DUOXA2: variants seen among roughly 807,000 people sequenced by gnomAD.
The protein encoded by DUOXA2 is dual oxidase maturation factor 2.
A neutral mutation model predicts 27.6 loss-of-function variants in DUOXA2; 22 were observed. The observed-to-expected ratio is 0.80, with a 90% confidence interval of 0.57 to 1.14. The LOEUF is 1.14. DUOXA2 is among the 50% of genes most tolerant of loss of function. The pLI is 0.00. For synonymous variants in DUOXA2, 188 were observed against 184.4 expected, an observed-to-expected ratio of 1.02 and a Z score of -0.16; for missense variants, 481 against 419.9, an observed-to-expected ratio of 1.15 and a Z score of -1.27.
chr15:45,116,489 G>A, intron 3 of DUOXA2, 27 bp from the exon 4 acceptor site: 2 of 1,612,336 alleles, frequency 1.2e-6, no homozygotes, highest in Non-Finnish European at 1.7e-6. Context: ...ACCGCGGGCA[G>A]CCCCATGAGC....
At chr15:45,116,466 TGCGAGGTCTCCGACC>T in intron 3 of DUOXA2, 35 bp from the exon 4 acceptor site, 1 of 1,604,908 alleles carries the variant, frequency 6.2e-7, no homozygotes, top group African/African-American at 1.3e-5. Flanking sequence ...TCCGCTTAGT[TGCGAGGTCTCCGACC>T]GCGGGCAGCC....
At chr15:45,115,519 A>T (rs1478538781) in intron 1 of DUOXA2, 1 of 622,624 alleles carries the variant, frequency 1.6e-6, no homozygotes, top group East Asian at 3.4e-5. Flanking sequence ...CAGGCGCCAG[A>T]CAGCTAGGGG....
In DUOXA2 at chr15:45,114,586, G is replaced by C; in HGVS notation, c.-20G>C. 1 of 1,613,182 alleles carries C rather than the reference G, an allele frequency of 6.2e-7. No individual in the cohort carries two copies. The highest frequency in any genetic ancestry group is 1.3e-5 in the African/African-American group (1 of 75,066). ...TGGCTTGCCTGCCCGCCTGCGTGCA[G>C]CACTCGGCCGGCGTGCAGCATGACC... On this transcript the variant is annotated 5_prime_UTR_variant, in exon 1 of 6. Transcript: ENST00000323030.
In DUOXA2 at chr15:45,117,868, G is replaced by C; in HGVS notation, c.922G>C (p.Ala308Pro). ...CCTCGGCGACCCACTGCACAAGCAGGCCGCTCTCCCAGACTTAAAATGTAT... is the reference window on the plus strand; with the variant it reads ...CCTCGGCGACCCACTGCACAAGCAGCCCGCTCTCCCAGACTTAAAATGTAT... ...LILGDPLHKQ[A>P]ALPDLKCITT... is the part of the protein sequence containing the mutation. The change falls in exon 6 of 6, where the codon GCC (alanine) becomes CCC (proline). Residue 308 changes from alanine to proline, a missense_variant. Coordinates refer to ENST00000323030, the MANE Select transcript of DUOXA2 (RefSeq NM_207581.4). 6.2e-7 allele frequency: 1 copy of C among 1,613,662 alleles called. No individual in the cohort carries two copies. The highest frequency in any genetic ancestry group is 8.5e-7 in the Non-Finnish European group (1 of 1,180,034).
rs1555415049 is a variant in DUOXA2 at position 45,116,589 on chromosome 15, C to G, written c.414C>G (p.Tyr138Ter). The G allele has an allele frequency of 1.2e-6, 2 of 1,614,066 alleles. No homozygotes were observed. The highest frequency in any genetic ancestry group is 2.2e-5 in the South Asian group (2 of 91,088). Residue 138 changes from tyrosine (Y) to a stop codon, truncating the protein, a stop_gained, in exon 4 of 6, where the codon TAC becomes TAG. Transcript: ENST00000323030. LOFTEE classifies it high-confidence loss of function. The part of the protein sequence containing the change: ...EQFTWRLKEN[Y>*]AAEYANALEK... ...TCACCTGGCGTCTGAAAGAGAATTA[C>G]GCCGCGGAGTACGCGAACGCACTGG...
At chr15:45,115,152 T>C (rs1274583987) in intron 1 of DUOXA2, among the ~76,000 whole-genome samples, 1 of 152,196 alleles carries the variant, frequency 6.6e-6, no homozygotes, top group Non-Finnish European at 1.5e-5. Flanking sequence ...GACTGCAGTG[T>C]TCCCCTTTGC....
At chr15:45,116,474 C>T (rs776110601) in intron 3 of DUOXA2, 42 bp from the exon 4 acceptor site, 81 of 1,609,676 alleles carry the variant, frequency 5.0e-5, no homozygotes, top group East Asian at 2.5e-4. Flanking sequence ...GTTGCGAGGT[C>T]TCCGACCGCG....
At position 45,118,180 on chromosome 15, in the gene DUOXA2, G is replaced by C. The variant is rs1894813441; in HGVS notation, c.*271G>C. On this transcript the variant is annotated 3_prime_UTR_variant, in exon 6 of 6. Coordinates refer to ENST00000323030, the MANE Select transcript of DUOXA2 (RefSeq NM_207581.4). ...TCCTCATGAGCTTCGCTGGGCTGGA[G>C]ACAGCCTAGTACACTCTCCGCAGTG... The C allele has an allele frequency of 1.1e-5, 16 of 1,435,524 alleles. No homozygotes were observed. Among genetic ancestry groups the C allele is most frequent in the Non-Finnish European group, 1.5e-5 (16 of 1,100,454 alleles). 88.9% of individuals were successfully genotyped at this position (1,435,524 alleles called of 1,614,324 possible). A position where few individuals can be genotyped will look rare whatever the true frequency, so the allele number is the denominator to read the frequency against.
At chr15:45,114,841 A>T in intron 1 of DUOXA2, 89 bp downstream of exon 1, 1 of 1,588,522 alleles carries the variant, frequency 6.3e-7, no homozygotes, top group East Asian at 2.2e-5. Flanking sequence ...AAGACTGTAC[A>T]AGAGCCTCCA....
chr15:45,116,844 C>A, intron 4 of DUOXA2, 115 bp downstream of exon 4: 1 of 1,317,718 alleles, frequency 7.6e-7, no homozygotes, highest in Non-Finnish European at 1.1e-6. Context: ...ACCCGACGCG[C>A]TCGGGGTGGG....
intron 1 of DUOXA2, among the ~76,000 whole-genome samples, 192 bp downstream of exon 1, chr15:45,114,944 G>A (rs1595531926): frequency 6.6e-6 from 1 of 152,314 alleles, no homozygotes; most frequent in South Asian, 2.1e-4. Flanking sequence ...CCCCATCCAG[G>A]ATATCCTGGA....
At position 45,117,432 on chromosome 15, in the gene DUOXA2, G is replaced by A. The variant is rs1225654687; in HGVS notation, c.769+127G>A. 4.6e-6 allele frequency: 7 copies of A among 1,526,290 alleles called. No individual in the cohort carries two copies. In the African/African-American group the frequency reaches 9.7e-5, roughly 21 times the overall value. The allele number at this position is 1,526,290 out of a possible 1,614,324, so 94.5% of individuals were successfully genotyped here. On this transcript the variant is annotated intron_variant, in intron 5 of 5. Transcript: ENST00000323030. ...TATTTGCCCCTCTCAATAGTTCGCA[G>A]AAACAGGCACTGTTATGACCATTTT...
At position 45,114,739 on chromosome 15, in the gene DUOXA2, TC is replaced by T. The variant is rs774054144; in HGVS notation, c.136del (p.Arg46ValfsTer10). ...AASFLLILPG[I>X]RGHSRWFWLV... ...AGCTTCCTGCTCATCTTGCCGGGGA[TC>T]CGTGGCCACTCGGTAAGGGTGTCCT... On this transcript the variant is annotated frameshift_variant, in exon 1 of 6. Transcript: ENST00000323030. LOFTEE classifies it high-confidence loss of function. The T allele has an allele frequency of 3.7e-6, 6 of 1,614,216 alleles. No homozygotes were observed. In the Admixed American group the frequency reaches 1.0e-4, roughly 27 times the overall value.
intron 4 of DUOXA2, 136 bp from the exon 5 acceptor site, chr15:45,116,955 G>A (rs1006972418): frequency 6.8e-6 from 8 of 1,174,276 alleles, no homozygotes; most frequent in South Asian, 2.8e-5. Context: ...CTTCTCCCCC[G>A]GGGAATTCCC....
chr15:45,116,439 C>T (rs1894634700), intron 3 of DUOXA2, 77 bp from the exon 4 acceptor site: 1 of 1,582,854 alleles, frequency 6.3e-7, no homozygotes, highest in African/African-American at 1.3e-5. Context: ...CGCCACACCC[C>T]CACTTTCCTG....
At chr15:45,115,280 C>A (rs1221422102) in intron 1 of DUOXA2, 2 of 368,928 alleles carry the variant, frequency 5.4e-6, no homozygotes, top group Non-Finnish European at 1.1e-5. Flanking sequence ...CTCCCAGAAC[C>A]TAGGTTGTGC....
Position 45,116,873 on chromosome 15 carries a change from TAG to T in DUOXA2, c.554+146_554+147del. 8 of 1,101,266 alleles carry T rather than the reference TAG, an allele frequency of 7.3e-6. No individual in the cohort carries two copies. The South Asian group carries it at 9.9e-5, about 14-fold the overall frequency. 68.2% of individuals were successfully genotyped at this position (1,101,266 alleles called of 1,614,324 possible). A position where few individuals can be genotyped will look rare whatever the true frequency, so the allele number is the denominator to read the frequency against. On this transcript the variant is annotated intron_variant, in intron 4 of 5. Coordinates refer to ENST00000323030, the MANE Select transcript of DUOXA2 (RefSeq NM_207581.4). ...GGGTGGGCATGACAGCCTCGCGGGT[TAG>T]AAGATCCACGAGATCTGCACAGACG... is the stretch of plus-strand genomic sequence containing the variant.
intron 2 of DUOXA2, 98 bp from the exon 3 acceptor site, chr15:45,116,026 T>C: frequency 6.2e-7 from 1 of 1,601,922 alleles, no homozygotes; most frequent in Admixed American, 1.7e-5. Flanking sequence ...ATTGGACCTC[T>C]AAGTCCCCAT....
At chr15:45,116,029 G>A in intron 2 of DUOXA2, 95 bp from the exon 3 acceptor site, 2 of 1,603,378 alleles carry the variant, frequency 1.2e-6, no homozygotes, top group Non-Finnish European at 1.7e-6. Context: ...GGACCTCTAA[G>A]TCCCCATCTC....
Sources: allele counts gnomAD v4.1 joint callset (sites outside exome capture counted in the v4.1 genomes callset), GRCh38; gene constraint gnomAD v4.1.1; transcripts MANE v1.5; gene names NCBI Gene and HGNC (gene_info 2026-07-23, HGNC 2026-07-21).